PHF14: variants seen among roughly 807,000 people sequenced by gnomAD.
The protein encoded by PHF14 is PHD finger protein 14.
Under a neutral mutation model 117.9 loss-of-function variants are expected in PHF14, and 55 were observed. The ratio of observed to expected loss-of-function variants is 0.47; its 90% CI spans 0.38 to 0.58. The LOEUF is 0.58. PHF14 is among the 20% of genes least tolerant of loss of function. The probability of loss-of-function intolerance (pLI) is 0.00; values close to 1 mark genes in which losing one functional copy is unlikely to be tolerated. For missense variants in PHF14, 978 were observed against 1,122.2 expected, an observed-to-expected ratio of 0.87 and a Z score of 1.84; for synonymous variants, 409 against 368.6, an observed-to-expected ratio of 1.11 and a Z score of -1.26.
At chr7:11,150,644 C>T (rs1296818136) in intron 17 of PHF14, among the ~76,000 whole-genome samples, 1 of 152,122 alleles carries the variant, frequency 6.6e-6, no homozygotes, top group Non-Finnish European at 1.5e-5. Flanking sequence ...TTAGAATCCT[C>T]TATTTTTTCC....
chr7:11,019,967 G>A (rs1486170593), intron 5 of PHF14, among the ~76,000 whole-genome samples: 1 of 152,046 alleles, frequency 6.6e-6, no homozygotes, highest in Admixed American at 6.6e-5. Flanking sequence ...TATGTCCTTT[G>A]TTGGGTGTCC....
At chr7:10,996,573 C>T (rs943176105) in intron 4 of PHF14, among the ~76,000 whole-genome samples, 12 of 151,590 alleles carry the variant, frequency 7.9e-5, no homozygotes, top group African/African-American at 2.9e-4. Flanking sequence ...CACCACCAGG[C>T]AAGCTATCCC....
intron 14 of PHF14, among the ~76,000 whole-genome samples, chr7:11,058,762 G>T (rs924894646): frequency 2.6e-5 from 4 of 152,124 alleles, no homozygotes; most frequent in African/African-American, 9.7e-5. Context: ...TTCTATTTGG[G>T]ATTAAAGTAT....
Position 11,130,569 on chromosome 7 carries a change from C to T in PHF14, c.2772+19102C>T, listed in dbSNP as rs1788065739. On this transcript the variant is annotated intron_variant, in intron 17 of 17. Coordinates refer to ENST00000634607, the MANE Select transcript of PHF14 (RefSeq NM_001007157.2). This position sits in a 1 kb window ranked among gnomAD's most constrained non-coding sequence, Gnocchi z 4.2. ...AATGGAGTTAAAACTACAGATTTCCCATATGCCCCCTCATCCCTTCCTCCT... is the reference window on the plus strand; with the variant it reads ...AATGGAGTTAAAACTACAGATTTCCTATATGCCCCCTCATCCCTTCCTCCT... 6.6e-6 allele frequency among the ~76,000 whole-genome samples: 1 copy of T among 151,744 alleles called. No homozygotes were observed. Among genetic ancestry groups the T allele is most frequent in the African/African-American group, 2.4e-5 (1 of 41,332 alleles).
At chr7:11,040,255 T>C (rs1455660086) in intron 11 of PHF14, among the ~76,000 whole-genome samples, 1 of 152,066 alleles carries the variant, frequency 6.6e-6, no homozygotes, top group African/African-American at 2.4e-5. Context: ...ACTTGCTTTG[T>C]TGGAGAGTTT....
At chr7:11,014,390 C>A (rs1783453628) in intron 5 of PHF14, among the ~76,000 whole-genome samples, 1 of 152,124 alleles carries the variant, frequency 6.6e-6, no homozygotes, top group African/African-American at 2.4e-5. Context: ...AAAGGATGCT[C>A]TGGGCCTGAG....
intron 2 of PHF14, among the ~76,000 whole-genome samples, chr7:10,981,780 C>G (rs1562559744): frequency 6.6e-6 from 1 of 152,162 alleles, no homozygotes; most frequent in Non-Finnish European, 1.5e-5. Flanking sequence ...GCTGTTGTCT[C>G]TTTTCACCTG....
At chr7:11,133,762 C>G (rs529013580) in intron 17 of PHF14, among the ~76,000 whole-genome samples, 2 of 152,094 alleles carry the variant, frequency 1.3e-5, no homozygotes, top group South Asian at 4.1e-4. Context: ...ACAAACACAT[C>G]TTTATATTAT....
chr7:10,978,747 T>A (rs1398109758), intron 2 of PHF14, among the ~76,000 whole-genome samples: 3 of 152,050 alleles, frequency 2.0e-5, no homozygotes, highest in Non-Finnish European at 4.4e-5. Context: ...CAGCCTCACC[T>A]CCACCTCCAC....
intron 3 of PHF14, among the ~76,000 whole-genome samples, chr7:10,988,219 A>G (rs1040072660): frequency 6.6e-6 from 1 of 152,170 alleles, no homozygotes; most frequent in Non-Finnish European, 1.5e-5. Flanking sequence ...TCAGAGGGCC[A>G]GAAACATTAG....
intron 17 of PHF14, among the ~76,000 whole-genome samples, chr7:11,125,072 G>A (rs1391848046): frequency 6.6e-6 from 1 of 152,106 alleles, no homozygotes; most frequent in Non-Finnish European, 1.5e-5. Flanking sequence ...TAAGATCTGT[G>A]TTAGGGGAGG....
chr7:11,118,001 C>A (rs1195367148), intron 17 of PHF14, among the ~76,000 whole-genome samples: 10 of 151,740 alleles, frequency 6.6e-5, no homozygotes, highest in Admixed American at 1.3e-4. Context: ...AAGATGTATA[C>A]CACTCAGCTG....
chr7:11,034,563 T>TC (rs1784246448), intron 7 of PHF14, among the ~76,000 whole-genome samples: 1 of 143,796 alleles, frequency 7.0e-6, no homozygotes, highest in Non-Finnish European at 1.5e-5. Context: ...TTTTTTTTTT[T>TC]TTTGAGACAG....
intron 17 of PHF14, among the ~76,000 whole-genome samples, chr7:11,123,933 A>G (rs1000938571): frequency 1.3e-5 from 2 of 151,862 alleles, no homozygotes; most frequent in East Asian, 1.9e-4. Flanking sequence ...AAAAAAAACT[A>G]GAAAGTAATA....
At chr7:10,985,110 TAAAA>T (rs1344898532) in intron 3 of PHF14, among the ~76,000 whole-genome samples, 1 of 152,286 alleles carries the variant, frequency 6.6e-6, no homozygotes, top group Admixed American at 6.5e-5. Flanking sequence ...ACATTTTAAT[TAAAA>T]AACTAATCAA....
intron 3 of PHF14, among the ~76,000 whole-genome samples, chr7:10,990,122 G>T (rs1782394899): frequency 6.6e-6 from 1 of 152,144 alleles, no homozygotes; most frequent in Admixed American, 6.5e-5. Context: ...CTGTCTTACA[G>T]TAGTTTGATA....
At chr7:11,161,001 A>C (rs1196289226) in intron 17 of PHF14, among the ~76,000 whole-genome samples, 2 of 152,156 alleles carry the variant, frequency 1.3e-5, no homozygotes, top group Non-Finnish European at 2.9e-5. Flanking sequence ...GCAGATGTCC[A>C]GAATGGTGTT....
intron 7 of PHF14, among the ~76,000 whole-genome samples, chr7:11,034,793 C>T (rs1021798334): frequency 5.9e-5 from 9 of 151,920 alleles, no homozygotes; most frequent in African/African-American, 2.2e-4. Flanking sequence ...AAGTGATCTG[C>T]TTGCCTCGGT....
chr7:10,993,725 G>T (rs960251989), intron 4 of PHF14, among the ~76,000 whole-genome samples: 2 of 152,084 alleles, frequency 1.3e-5, no homozygotes, highest in South Asian at 2.1e-4. Flanking sequence ...AATTGATAAG[G>T]GGCTGGGTAC....
Sources: allele counts gnomAD v4.1 joint callset (sites outside exome capture counted in the v4.1 genomes callset), GRCh38; gene constraint gnomAD v4.1.1; non-coding constraint Gnocchi (gnomAD v3.1); transcripts MANE v1.5; gene names NCBI Gene and HGNC (gene_info 2026-07-23, HGNC 2026-07-21).